C10orf90: variants seen among roughly 807,000 people sequenced by gnomAD.
C10orf90 encodes the protein chromosome 10 open reading frame 90.
A neutral mutation model predicts 62.5 loss-of-function variants in C10orf90; 56 were observed. That is an observed-to-expected ratio of 0.90 (90% CI 0.72 to 1.12). The LOEUF is 1.12. C10orf90 is among the 50% of genes most tolerant of loss of function. The pLI, the probability that C10orf90 is intolerant of heterozygous loss-of-function variation, is 0.00. For missense variants in C10orf90, 970 were observed against 880.4 expected, an observed-to-expected ratio of 1.10 and a Z score of -1.29; for synonymous variants, 386 against 340.4, an observed-to-expected ratio of 1.13 and a Z score of -1.47.
At chr10:126,627,023 G>A (rs373421436) in intron 2 of C10orf90, among the ~76,000 whole-genome samples, 20 of 131,118 alleles carry the variant, frequency 1.5e-4, no homozygotes, top group African/African-American at 4.2e-4. Context: ...TTTTTGAGAC[G>A]TAGTCTCGCT....
intron 7 of C10orf90, among the ~76,000 whole-genome samples, chr10:126,438,751 TTG>T (rs5788786): frequency 0.4 from 60,415 of 150,712 alleles, 13,080 homozygotes; most frequent in African/African-American, 0.58. Flanking sequence ...TGTATGTATG[TTG>T]TGTGTGTGTG....
At chr10:126,522,646 G>T (rs897937278) in intron 2 of C10orf90, 16 of 152,246 alleles carry the variant, frequency 1.1e-4, no homozygotes, top group African/African-American at 3.6e-4. Flanking sequence ...TTTAATGGAA[G>T]AAATGACCTT....
chr10:126,434,061 A>G (rs1241938870), intron 7 of C10orf90, among the ~76,000 whole-genome samples: 1 of 152,164 alleles, frequency 6.6e-6, no homozygotes, highest in East Asian at 1.9e-4. Flanking sequence ...TCCAAACTAC[A>G]GTGTCTATTG....
intron 2 of C10orf90, among the ~76,000 whole-genome samples, chr10:126,514,206 T>C (rs1863302552): frequency 6.6e-6 from 1 of 152,190 alleles, no homozygotes; most frequent in African/African-American, 2.4e-5. Context: ...CAGTCACAAT[T>C]GCATAATTTT....
At chr10:126,651,409 G>A (rs1319821583) in intron 1 of C10orf90, among the ~76,000 whole-genome samples, 2 of 151,998 alleles carry the variant, frequency 1.3e-5, no homozygotes, top group African/African-American at 2.4e-5. Flanking sequence ...TATTAATTAA[G>A]CTTAATTACA....
At chr10:126,588,749 G>A (rs1229975124) in intron 2 of C10orf90, among the ~76,000 whole-genome samples, 4 of 152,194 alleles carry the variant, frequency 2.6e-5, no homozygotes, top group African/African-American at 9.6e-5. Flanking sequence ...AAAGATGAGA[G>A]AGAATCAGTG....
In C10orf90 at chr10:126,612,463, G is replaced by A. The variant is rs563123257; in HGVS notation, c.313+34102C>T. On this transcript the variant is annotated intron_variant, in intron 2 of 9. Transcript: ENST00000488181. ...GGAGGAAAGATAAAAGGCCCTACACGTGGCCACCCTGTGAGAGACGCTAAT... is the reference window on the plus strand; with the variant it reads ...GGAGGAAAGATAAAAGGCCCTACACATGGCCACCCTGTGAGAGACGCTAAT... Among the ~76,000 whole-genome samples, 10 of 152,294 alleles carry A rather than the reference G, an allele frequency of 6.6e-5. No individual in the cohort carries two copies. The East Asian group carries it at 1.5e-3, about 24-fold the overall frequency.
At chr10:126,551,533 A>G (rs1193192658) in intron 2 of C10orf90, among the ~76,000 whole-genome samples, 2 of 152,216 alleles carry the variant, frequency 1.3e-5, no homozygotes, top group African/African-American at 4.8e-5. Context: ...GTGTGGGAAA[A>G]AAAAATTTGA....
intron 2 of C10orf90, among the ~76,000 whole-genome samples, chr10:126,596,475 C>T (rs968830998): frequency 6.6e-6 from 1 of 152,012 alleles, no homozygotes; most frequent in South Asian, 2.1e-4. Flanking sequence ...CTGTTACATA[C>T]GCTTCTTCAC....
At chr10:126,563,111 C>A (rs1864940688) in intron 2 of C10orf90, among the ~76,000 whole-genome samples, 1 of 152,200 alleles carries the variant, frequency 6.6e-6, no homozygotes, top group African/African-American at 2.4e-5. Context: ...CAACTCGGGG[C>A]AAAATTCCCC....
intron 2 of C10orf90, among the ~76,000 whole-genome samples, chr10:126,552,117 A>G (rs1864647540): frequency 6.6e-6 from 1 of 152,210 alleles, no homozygotes; most frequent in South Asian, 2.1e-4. Context: ...TTAATCTTTT[A>G]TTGATAGAGC....
At chr10:126,438,291 T>C (rs1858055846) in intron 7 of C10orf90, among the ~76,000 whole-genome samples, 1 of 152,210 alleles carries the variant, frequency 6.6e-6, no homozygotes, top group African/African-American at 2.4e-5. Context: ...TTTCTGACAG[T>C]GCCAGATTTC....
rs1445984409 is a variant in C10orf90, at chr10:126,565,401, T to A, written c.314-51462A>T. ...ATAATATATATTATATATATTATAT[T>A]ATATATAATATATATTATATATATT... On this transcript the variant is annotated intron_variant, in intron 2 of 9. Coordinates refer to ENST00000488181, the MANE Select transcript of C10orf90 (RefSeq NM_001350921.2). 1.0e-4 allele frequency among the ~76,000 whole-genome samples: 6 copies of A among 57,862 alleles called. 1 individual carries two copies. The highest frequency in any genetic ancestry group is 2.2e-4 in the African/African-American group (3 of 13,768). 38.0% of individuals were successfully genotyped at this position (57,862 alleles called of 152,430 possible).
intron 2 of C10orf90, among the ~76,000 whole-genome samples, chr10:126,565,036 A>AATATATT (rs1844302216): frequency 7.2e-5 from 1 of 13,810 alleles, no homozygotes; most frequent in Non-Finnish European, 1.3e-4. Context: ...TATTATATAA[A>AATATATT]ATATATAATA....
At chr10:126,452,644 A>C (rs895453341) in intron 7 of C10orf90, among the ~76,000 whole-genome samples, 3 of 152,232 alleles carry the variant, frequency 2.0e-5, no homozygotes, top group Non-Finnish European at 4.4e-5. Context: ...ATTGTCCTTT[A>C]AATCCACTTC....
In C10orf90 at chr10:126,440,252, G is replaced by A. The variant is rs1043029008; in HGVS notation, c.2189-10402C>T. Among the ~76,000 whole-genome samples, 7 of 152,268 alleles carry A rather than the reference G, an allele frequency of 4.6e-5. No individual in the cohort carries two copies. The South Asian group carries it at 1.5e-3, about 32-fold the overall frequency. ...TTGGATTGCGTGGGAGCTGGGTGAGGCCTGTGACTGCTGGCTGTCCCCACT... is the reference window on the plus strand; with the variant it reads ...TTGGATTGCGTGGGAGCTGGGTGAGACCTGTGACTGCTGGCTGTCCCCACT... On this transcript the variant is annotated intron_variant, in intron 7 of 9. Coordinates refer to ENST00000488181, the MANE Select transcript of C10orf90 (RefSeq NM_001350921.2).
intron 1 of C10orf90, among the ~76,000 whole-genome samples, chr10:126,660,081 G>A (rs769362464): frequency 2.6e-5 from 4 of 152,160 alleles, no homozygotes; most frequent in Non-Finnish European, 5.9e-5. Context: ...TTACTCCACA[G>A]ATGCAAAAAT....
intron 2 of C10orf90, chr10:126,520,426 G>A (rs370157148): frequency 8.5e-5 from 13 of 152,388 alleles, no homozygotes; most frequent in East Asian, 7.7e-4. Flanking sequence ...GCCCAGGTTA[G>A]AAATCCTTAA....
chr10:126,480,127 G>T (rs1423519665), intron 4 of C10orf90, among the ~76,000 whole-genome samples: 1 of 152,156 alleles, frequency 6.6e-6, no homozygotes, highest in Admixed American at 6.5e-5. Context: ...TTTTCCTAAA[G>T]ACTTTTATTA....
Sources: allele counts gnomAD v4.1 joint callset (sites outside exome capture counted in the v4.1 genomes callset), GRCh38; gene constraint gnomAD v4.1.1; transcripts MANE v1.5; gene names NCBI Gene and HGNC (gene_info 2026-07-23, HGNC 2026-07-21).